MMP19: variants seen among roughly 807,000 people sequenced by gnomAD.
MMP19 encodes matrix metallopeptidase 19.
A neutral mutation model predicts 46.6 loss-of-function variants in MMP19; 47 were observed. That is an observed-to-expected ratio of 1.01 (90% CI 0.80 to 1.29). MMP19 has a LOEUF of 1.29. Ranked by LOEUF, MMP19 falls within the 50% of genes most tolerant of loss-of-function variation. The pLI, the probability that MMP19 is intolerant of heterozygous loss-of-function variation, is 0.00. For missense variants in MMP19, 589 were observed against 643.5 expected, an observed-to-expected ratio of 0.92 and a Z score of 0.92; for synonymous variants, 222 against 248.5, an observed-to-expected ratio of 0.89 and a Z score of 1.00.
chr12:55,840,781 A>G lies in MMP19; in HGVS notation c.406T>C (p.Trp136Arg), dbSNP rs1459390595. 6.2e-7 allele frequency: 1 copy of G among 1,613,986 alleles called. No homozygotes were observed. Among genetic ancestry groups the G allele is most frequent in the Non-Finnish European group, 8.5e-7 (1 of 1,179,888 alleles). The change falls in exon 4 of 9, where the codon TGG (tryptophan) becomes CGG (arginine). Residue 136 changes from tryptophan (W) to arginine (R), a missense_variant. Coordinates refer to ENST00000322569, the MANE Select transcript of MMP19 (RefSeq NM_002429.6). Reference sequence around the variant, plus strand: ...AAGGTCAAGGGAGCCACATTGCTCCAGTCCTGGAAGGCTTGACGCAGGGCT... The same window carrying G: ...AAGGTCAAGGGAGCCACATTGCTCCGGTCCTGGAAGGCTTGACGCAGGGCT... ...RAALRQAFQD[W>R]SNVAPLTFQE... is the part of the protein sequence containing the mutation.
rs17844792 is a variant in MMP19, at chr12:55,841,745, C to T, written c.174-509G>A. Among the ~76,000 whole-genome samples, 600 of 152,192 alleles carry T rather than the reference C, an allele frequency of 3.9e-3. 3 individuals carry two copies. Among genetic ancestry groups the T allele is most frequent in the African/African-American group, 0.013 (551 of 41,508 alleles). On this transcript the variant is annotated intron_variant, in intron 2 of 8. Transcript: ENST00000322569. ...CTCTACTGCAATTTCTAACCTTCTC[C>T]TACTCTGTGGAGGTGTCTGGCTCCC...
chr12:55,840,871 T>C lies in MMP19; in HGVS notation c.316A>G (p.Lys106Glu). The change falls in exon 4 of 9, where the codon AAG becomes GAG. Residue 106 changes from lysine to glutamate, a missense_variant. Physicochemically the swap from Lys to Glu is moderately conservative, Grantham distance 56. Coordinates refer to ENST00000322569, the MANE Select transcript of MMP19 (RefSeq NM_002429.6). The part of the protein sequence containing the change: ...LKYLLLGRWR[K>E]KHLTFRILNL... ...AAGATGCGGAAAGTCAGGTGCTTCT[T>C]TCTCCAGCGGCCTAGTTAATGACCA... 1 of 1,585,006 alleles carries C rather than the reference T, an allele frequency of 6.3e-7. No individual in the cohort carries two copies. Among genetic ancestry groups the C allele is most frequent in the Non-Finnish European group, 8.6e-7 (1 of 1,161,504 alleles).
Position 55,837,183 on chromosome 12 carries a change from G to T in MMP19, c.1380C>A (p.Gly460=). The change falls in exon 9 of 9, where the codon GGC becomes GGA. Residue 460 remains glycine, a synonymous_variant. Coordinates refer to ENST00000322569, the MANE Select transcript of MMP19 (RefSeq NM_002429.6). ...RLNQQLRVEK[G]YPRNISHNWM... The stretch of plus-strand genomic sequence containing the variant: ...AGTTGTGGGAAATATTTCTGGGATA[G>T]CCTTTCTCTACTCGAAGCTGCTGGT... The T allele has an allele frequency of 6.2e-7, 1 of 1,614,206 alleles. No homozygotes were observed.
intron 4 of MMP19, 112 bp downstream of exon 4, chr12:55,840,555 G>A (rs1012959356): frequency 3.6e-6 from 4 of 1,105,750 alleles, no homozygotes; most frequent in African/African-American, 3.1e-5. Context: ...AGAGCGTATG[G>A]TGCAGGTGGG....
chr12:55,838,196 G>A, intron 6 of MMP19, 189 bp from the exon 7 acceptor site: 1 of 654,380 alleles, frequency 1.5e-6, no homozygotes, highest in South Asian at 2.1e-5. Context: ...GTTGCTCAGA[G>A]CGTTTCAGCT....
At chr12:55,839,892 T>G in intron 4 of MMP19, 151 bp from the exon 5 acceptor site, 2 of 1,065,212 alleles carry the variant, frequency 1.9e-6, no homozygotes, top group East Asian at 2.6e-5. Flanking sequence ...CCCTTTCAGA[T>G]TCCCCTGTCA....
chr12:55,842,667 A>G (rs1881777852), intron 1 of MMP19, 77 bp downstream of exon 1: 2 of 1,225,890 alleles, frequency 1.6e-6, no homozygotes, highest in Admixed American at 3.9e-5. Flanking sequence ...GAAGGTCAGG[A>G]GGGAGGCTTC....
intron 1 of MMP19, 136 bp from the exon 2 acceptor site, chr12:55,842,574 G>T: frequency 2.3e-6 from 2 of 884,470 alleles, no homozygotes; most frequent in Non-Finnish European, 3.7e-6. Context: ...TAGAGAAGGG[G>T]CTCAGGTGGA....
At chr12:55,838,189 G>T in intron 6 of MMP19, 182 bp from the exon 7 acceptor site, 1 of 662,920 alleles carries the variant, frequency 1.5e-6, no homozygotes, top group South Asian at 2.1e-5. Context: ...ATGCTTTGTT[G>T]CTCAGAGCGT....
chr12:55,839,315 G>A (rs1378623782), intron 5 of MMP19, among the ~76,000 whole-genome samples, 181 bp downstream of exon 5: 1 of 151,996 alleles, frequency 6.6e-6, no homozygotes, highest in Non-Finnish European at 1.5e-5. Flanking sequence ...GGCCTGGAAG[G>A]AAGATTAGAC....
chr12:55,837,517 T>C (rs373228234), intron 8 of MMP19, 38 bp downstream of exon 8: 13 of 1,612,990 alleles, frequency 8.1e-6, no homozygotes, highest in African/African-American at 1.3e-5. Flanking sequence ...AGCCCACTCC[T>C]CCTAAGAAGG....
chr12:55,840,022 A>T (rs1881568984), intron 4 of MMP19: 1 of 383,820 alleles, frequency 2.6e-6, no homozygotes, highest in East Asian at 4.6e-5. Context: ...GGGGAACTTA[A>T]GGGAGAAAAA....
chr12:55,842,561 C>G, intron 1 of MMP19, 123 bp from the exon 2 acceptor site: 2 of 918,104 alleles, frequency 2.2e-6, no homozygotes, highest in Non-Finnish European at 3.6e-6. Flanking sequence ...TGGAGAAGCA[C>G]CTTAGAGAAG....
chr12:55,840,015 GA>G, intron 4 of MMP19: 3 of 403,806 alleles, frequency 7.4e-6, no homozygotes, highest in Non-Finnish European at 1.3e-5. Flanking sequence ...TTGAACAGGG[GA>G]ACTTAAGGGA....
rs1349453404 is a variant in MMP19, at chr12:55,837,678, G to C, written c.1065C>G (p.Asp355Glu). 1.2e-6 allele frequency: 2 copies of C among 1,614,088 alleles called. No individual in the cohort carries two copies. The highest frequency in any genetic ancestry group is 1.3e-5 in the African/African-American group (1 of 74,928). Reference sequence around the variant, plus strand: ...TGAAATTAATGTAGCGCCACACCTTGTCTCCTGAGAGCATGTGAGGAAAGA... The same window carrying C: ...TGAAATTAATGTAGCGCCACACCTTCTCTCCTGAGAGCATGTGAGGAAAGA... ...RTQWIHFFKG[D>E]KVWRYINFKM... Residue 355 changes from aspartate to glutamate, a missense_variant, in exon 8 of 9, where the codon GAC becomes GAG. Physicochemically the swap from Asp to Glu is conservative, Grantham distance 45. Transcript: ENST00000322569.
chr12:55,842,034 G>A (rs1296861526), intron 2 of MMP19, among the ~76,000 whole-genome samples: 1 of 152,194 alleles, frequency 6.6e-6, no homozygotes, highest in Non-Finnish European at 1.5e-5. Flanking sequence ...AAAGGTAATA[G>A]CATGTCAACA....
chr12:55,842,816 C>T lies in MMP19; in HGVS notation c.15G>A (p.Gln5=), dbSNP rs139773431. 5 of 1,599,900 alleles carry T rather than the reference C, an allele frequency of 3.1e-6. No individual in the cohort carries two copies. In the African/African-American group the frequency reaches 6.7e-5, roughly 21 times the overall value. ...TGGGGAGTAGGAAGCCCAGCCACAG[C>T]TGCTGGCAGTTCATGGTCCCACCAG... MNCQ[Q]LWLGFLLPMT... Residue 5 remains glutamine, a synonymous_variant, in exon 1 of 9, where the codon CAG becomes CAA. Coordinates refer to ENST00000322569, the MANE Select transcript of MMP19 (RefSeq NM_002429.6).
At chr12:55,841,351 C>T (rs1448345875) in intron 2 of MMP19, 115 bp from the exon 3 acceptor site, 1 of 1,217,460 alleles carries the variant, frequency 8.2e-7, no homozygotes, top group Admixed American at 2.0e-5. Context: ...GCACAGAATC[C>T]CTGAAGCTGA....
chr12:55,837,646 G>A lies in MMP19; in HGVS notation c.1097C>T (p.Ser366Phe), dbSNP rs1251561836. The change falls in exon 8 of 9, where the codon TCT becomes TTT. Residue 366 changes from serine (S) to phenylalanine (F), a missense_variant. Physicochemically the swap from Ser to Phe is radical, Grantham distance 155. Transcript: ENST00000322569. The stretch of plus-strand genomic sequence containing the variant: ...ATTCAGCTTCTTGGGGAAGCCAGGA[G>A]ACATCTTGAAATTAATGTAGCGCCA... ...KVWRYINFKMSPGFPKKLNRV... is the reference protein window; with the variant it reads ...KVWRYINFKMFPGFPKKLNRV... 6.2e-7 allele frequency: 1 copy of A among 1,614,200 alleles called. No individual in the cohort carries two copies. Among genetic ancestry groups the A allele is most frequent in the Non-Finnish European group, 8.5e-7 (1 of 1,180,048 alleles).
Sources: allele counts gnomAD v4.1 joint callset (sites outside exome capture counted in the v4.1 genomes callset), GRCh38; gene constraint gnomAD v4.1.1; transcripts MANE v1.5; gene names NCBI Gene and HGNC (gene_info 2026-07-23, HGNC 2026-07-21).